Variants in NUP210 observed in about 807,000 individuals in gnomAD.
NUP210 encodes nuclear pore membrane glycoprotein 210.
Under a neutral mutation model 196.0 loss-of-function variants are expected in NUP210, and 151 were observed. That is an observed-to-expected ratio of 0.77 (90% CI 0.67 to 0.88). The LOEUF is 0.88. NUP210 is among the 40% of genes least tolerant of loss of function. The pLI is 0.00. For synonymous variants in NUP210, 1,070 were observed against 1,052.7 expected, an observed-to-expected ratio of 1.02 and a Z score of -0.32; for missense variants, 2,314 against 2,493.7, an observed-to-expected ratio of 0.93 and a Z score of 1.53.
intron 6 of NUP210, among the ~76,000 whole-genome samples, chr3:13,383,652 G>A (rs1036891363): frequency 1.2e-4 from 18 of 150,242 alleles, no homozygotes; most frequent in African/African-American, 3.9e-4. Flanking sequence ...AGCCTCCTGA[G>A]TAGCTGGGAC....
rs947529985 is a variant in NUP210 at position 13,347,359 on chromosome 3, G to A, written c.2836-4056C>T. 1.0e-5 allele frequency: 10 copies of A among 982,686 alleles called. No homozygotes were observed. The highest frequency in any genetic ancestry group is 7.0e-5 in the African/African-American group (4 of 57,178). The allele number at this position is 982,686 out of a possible 1,614,324, so 60.9% of individuals were successfully genotyped here. A position where few individuals can be genotyped will look rare whatever the true frequency, so the allele number is the denominator to read the frequency against. On this transcript the variant is annotated intron_variant, in intron 20 of 39. Coordinates refer to ENST00000254508, the MANE Select transcript of NUP210 (RefSeq NM_024923.4). The surrounding 1 kb of genome is among the most constrained non-coding windows in gnomAD (Gnocchi z 4.7). ...CTGCTCTGGTCATCTCATGGGTTCC[G>A]CCTAGAGGACTTGATTGAAATGTAA...
intron 1 of NUP210, among the ~76,000 whole-genome samples, chr3:13,418,050 T>C (rs989186318): frequency 6.6e-6 from 1 of 152,216 alleles, no homozygotes; most frequent in African/African-American, 2.4e-5. Flanking sequence ...TCCTCTTTCT[T>C]GCCCACATAC....
intron 9 of NUP210, 115 bp downstream of exon 9, chr3:13,377,341 C>T: frequency 1.4e-6 from 1 of 728,522 alleles, no homozygotes; most frequent in Non-Finnish European, 2.4e-6. Flanking sequence ...AAACAGGACC[C>T]CTCCTCGGTC....
intron 36 of NUP210, among the ~76,000 whole-genome samples, chr3:13,320,429 C>T (rs144579353): frequency 0.084 from 12,754 of 151,922 alleles, 762 homozygotes; most frequent in Non-Finnish European, 0.12. Context: ...GTCAGGAGAT[C>T]GAGACCAGCC....
At chr3:13,391,850 C>T (rs1258915511) in intron 3 of NUP210, among the ~76,000 whole-genome samples, 1 of 151,854 alleles carries the variant, frequency 6.6e-6, no homozygotes, top group Admixed American at 6.6e-5. Context: ...GCAAGGAGAG[C>T]CAGGCCCAGC....
intron 16 of NUP210, among the ~76,000 whole-genome samples, chr3:13,357,931 C>T (rs373529539): frequency 3.3e-5 from 5 of 152,248 alleles, no homozygotes; most frequent in Admixed American, 1.3e-4. Flanking sequence ...TTTAAACTAC[C>T]GAGTGCCAAA....
rs557355532 is a variant in NUP210 at position 13,376,425 on chromosome 3, G to C, written c.1159C>G (p.Arg387Gly). 3.7e-6 allele frequency: 6 copies of C among 1,614,184 alleles called. No individual in the cohort carries two copies. The highest frequency in any genetic ancestry group is 4.2e-6 in the Non-Finnish European group (5 of 1,180,014). ...SNKVYVSDNI[R>G]IETVLPAEFF... ...TCAGCAGGAAGCACAGTTTCAATTC[G>C]GATGTTCTGGAAGGTGAGGCAGGAC... Residue 387 changes from arginine to glycine, a missense_variant, in exon 10 of 40, where the codon CGA (arginine) becomes GGA (glycine). By Grantham distance (125) the Arg-to-Gly change is moderately radical (BLOSUM62 -2). Coordinates refer to ENST00000254508, the MANE Select transcript of NUP210 (RefSeq NM_024923.4).
In NUP210 at chr3:13,358,390, G is replaced by A. The variant is rs775274089; in HGVS notation, c.2160C>T (p.Ile720=). The A allele has an allele frequency of 1.4e-5, 22 of 1,609,728 alleles. No homozygotes were observed. The highest frequency in any genetic ancestry group is 3.3e-5 in the Admixed American group (2 of 59,766). Residue 720 remains isoleucine, a synonymous_variant, in exon 16 of 40, where the codon ATC becomes ATT. Coordinates refer to ENST00000254508, the MANE Select transcript of NUP210 (RefSeq NM_024923.4). ...TGGGCTTGTTCCCCACCGACAGGGC[G>A]ATGACCTGGTAGGGCACAGTGAACA... is the stretch of plus-strand genomic sequence containing the variant. ...VTCQALGEQV[I]ALSVGNKPSL...
chr3:13,374,024 C>T, intron 11 of NUP210, 151 bp from the exon 12 acceptor site: 1 of 872,748 alleles, frequency 1.1e-6, no homozygotes, highest in Non-Finnish European at 1.8e-6. Context: ...ACACACTCAC[C>T]ATTCACACTC....
chr3:13,347,153 C>T lies in NUP210; in HGVS notation c.2836-3850G>A. On this transcript the variant is annotated intron_variant, in intron 20 of 39. Coordinates refer to ENST00000254508, the MANE Select transcript of NUP210 (RefSeq NM_024923.4). This position sits in a 1 kb window ranked among gnomAD's most constrained non-coding sequence, Gnocchi z 4.7. ...CCCAGGAGATGGAGAGAAGCAGCCG[C>T]AGCTCATAGGACCCAGGAGATGGAG... The T allele has an allele frequency of 2.0e-6, 2 of 985,430 alleles. No individual in the cohort carries two copies. Among genetic ancestry groups the T allele is most frequent in the Non-Finnish European group, 2.4e-6 (2 of 829,940 alleles). The allele number at this position is 985,430 out of a possible 1,614,324, so 61.0% of individuals were successfully genotyped here. A position where few individuals can be genotyped will look rare whatever the true frequency, so the allele number is the denominator to read the frequency against.
In NUP210 at chr3:13,323,387, G is replaced by A. The variant is rs769604545; in HGVS notation, c.4690C>T (p.Pro1564Ser). The A allele has an allele frequency of 1.7e-5, 27 of 1,614,040 alleles. No homozygotes were observed. The South Asian group carries it at 3.0e-4, about 18-fold the overall frequency. Reference protein sequence around the residue: ...PQRIMARHLHPIQTSFQEATA... With the variant: ...PQRIMARHLHSIQTSFQEATA... ...GCCTCCTGGAAGCTGGTCTGGATGG[G>A]GTGGAGGTGACGGGCCATGATCCTC... Residue 1564 changes from proline to serine, a missense_variant, in exon 34 of 40, where the codon CCC becomes TCC. By Grantham distance (74) the Pro-to-Ser change is moderately conservative. Coordinates refer to ENST00000254508, the MANE Select transcript of NUP210 (RefSeq NM_024923.4). The surrounding 1 kb of genome is among the most constrained non-coding windows in gnomAD (Gnocchi z 4.3).
In NUP210 at chr3:13,327,445, C is replaced by A; in HGVS notation, c.4287-8G>T. 6.3e-7 allele frequency: 1 copy of A among 1,597,560 alleles called. No homozygotes were observed. The highest frequency in any genetic ancestry group is 8.6e-7 in the Non-Finnish European group (1 of 1,168,906). On this transcript the variant is annotated splice_polypyrimidine_tract_variant and splice_region_variant and intron_variant, in intron 31 of 39. Transcript: ENST00000254508. ...ATCTGCACAAAGTCGTCTCTAGGCA[C>A]AGGAGAGAAAGGAGGGCTCTCAGTC...
intron 3 of NUP210, among the ~76,000 whole-genome samples, chr3:13,395,966 C>A (rs1219411781): frequency 6.6e-6 from 1 of 152,216 alleles, no homozygotes; most frequent in East Asian, 1.9e-4. Context: ...GTACATATTT[C>A]TCACTAAGTC....
chr3:13,420,049 G>A lies in NUP210; in HGVS notation c.167+11C>T. 2.4e-6 allele frequency: 3 copies of A among 1,268,970 alleles called. No homozygotes were observed. Among genetic ancestry groups the A allele is most frequent in the South Asian group, 1.8e-5 (1 of 54,354 alleles). 78.6% of individuals were successfully genotyped at this position (1,268,970 alleles called of 1,614,324 possible). ...CCCACGGCGCCCGCCCGGCCCGGCC[G>A]CGCGCCTCACCAGCGGTAGCAGCCC... On this transcript the variant is annotated intron_variant, in intron 1 of 39. Transcript: ENST00000254508. The surrounding 1 kb of genome is among the most constrained non-coding windows in gnomAD (Gnocchi z 4.8).
chr3:13,419,733 G>A (rs1221671703), intron 1 of NUP210, among the ~76,000 whole-genome samples: 1 of 151,996 alleles, frequency 6.6e-6, no homozygotes, highest in Non-Finnish European at 1.5e-5. Flanking sequence ...AGGCCGGCTC[G>A]GGCCCGGCCG....
intron 6 of NUP210, among the ~76,000 whole-genome samples, chr3:13,381,816 C>G (rs1456401214): frequency 6.6e-6 from 1 of 152,134 alleles, no homozygotes; most frequent in African/African-American, 2.4e-5. Context: ...CCTGCTGACC[C>G]TGGCTGATCC....
At chr3:13,414,970 G>A (rs969710117) in intron 1 of NUP210, among the ~76,000 whole-genome samples, 2 of 152,212 alleles carry the variant, frequency 1.3e-5, no homozygotes, top group Non-Finnish European at 2.9e-5. Flanking sequence ...GGGTGTGGTG[G>A]CTCATGCCTG....
rs763999631 is a variant in NUP210 at position 13,322,334 on chromosome 3, A to T, written c.4774T>A (p.Cys1592Ser). The change falls in exon 35 of 40, where the codon TGC (cysteine) becomes AGC (serine). Residue 1592 changes from cysteine (C) to serine (S), a missense_variant. Cys to Ser is a moderately radical substitution (Grantham distance 112, BLOSUM62 -1). Coordinates refer to ENST00000254508, the MANE Select transcript of NUP210 (RefSeq NM_024923.4). ...GDRSSNLRGE[C>S]TPTQREVIQA... is the part of the protein sequence containing the mutation. The stretch of plus-strand genomic sequence containing the variant: ...ATGACTTCCCTCTGGGTGGGGGTGC[A>T]CTCGCCTAGAGAGGGGAGAGACGAG... 6.2e-7 allele frequency: 1 copy of T among 1,614,082 alleles called. No homozygotes were observed. Among genetic ancestry groups the T allele is most frequent in the Admixed American group, 1.7e-5 (1 of 60,020 alleles).
At chr3:13,409,337 C>T (rs1194202094) in intron 1 of NUP210, among the ~76,000 whole-genome samples, 4 of 152,150 alleles carry the variant, frequency 2.6e-5, no homozygotes, top group Admixed American at 1.3e-4. Flanking sequence ...TGTCTGAGCC[C>T]TCATGGATGG....
Sources: gnomAD v4.1 joint callset for allele counts (sites outside exome capture counted in the v4.1 genomes callset) on GRCh38, gnomAD v4.1.1 for gene constraint, Gnocchi (gnomAD v3.1) non-coding constraint, MANE v1.5 for transcripts, NCBI Gene and HGNC (gene_info 2026-07-23, HGNC 2026-07-21) for gene names.